Variants in DPP9 observed in about 807,000 individuals in gnomAD.
DPP9 encodes the protein dipeptidyl peptidase 9.
A neutral mutation model predicts 110.7 loss-of-function variants in DPP9; 50 were observed. The observed-to-expected ratio is 0.45, with a 90% CI of 0.36 to 0.57. DPP9 has a LOEUF of 0.57. Ranked by LOEUF, DPP9 falls within the 20% of genes least tolerant of loss-of-function variation. The pLI is 0.00. For missense variants in DPP9, 1,022 were observed against 1,217.9 expected (o/e 0.84, Z 2.39); for synonymous variants, 561 against 514.4 (o/e 1.09, Z -1.23).
intron 3 of DPP9, among the ~76,000 whole-genome samples, chr19:4,716,612 G>C (rs1022017404): frequency 6.6e-6 from 1 of 151,886 alleles, no homozygotes; most frequent in East Asian, 1.9e-4. Flanking sequence ...ACTCCAGCCT[G>C]GGCGACAGAG....
rs2145846207 is a variant in DPP9 at position 4,710,050 on chromosome 19, G to C, written c.313+4031C>G. Among the ~76,000 whole-genome samples the C allele has an allele frequency of 6.6e-6, 1 of 152,346 alleles. No homozygotes were observed. The highest frequency in any genetic ancestry group is 1.9e-4 in the East Asian group (1 of 5,182). ...CAACTGGCCTTTGAGGCAAGGGCTA[G>C]AGGTGACCGCCAAGGGCTGTGGATT... On this transcript the variant is annotated intron_variant, in intron 4 of 21. Coordinates refer to ENST00000262960, the MANE Select transcript of DPP9 (RefSeq NM_139159.5). The surrounding 1 kb of genome is among the most constrained non-coding windows in gnomAD (Gnocchi z 5.6).
In DPP9 at chr19:4,684,597, C is replaced by T; in HGVS notation, c.2178+66G>A. ...TCCAGAGCCGCTCCCATGCCCTGCACCCACACGGCCCAGGGCTCCCTTCCC... is the reference window on the plus strand; with the variant it reads ...TCCAGAGCCGCTCCCATGCCCTGCATCCACACGGCCCAGGGCTCCCTTCCC... On this transcript the variant is annotated intron_variant, in intron 18 of 21. Transcript: ENST00000262960. The surrounding 1 kb of genome is among the most constrained non-coding windows in gnomAD (Gnocchi z 4.8). 2 of 1,582,998 alleles carry T rather than the reference C, an allele frequency of 1.3e-6. No individual in the cohort carries two copies. Among genetic ancestry groups the T allele is most frequent in the East Asian group, 2.3e-5 (1 of 44,414 alleles).
At position 4,703,816 on chromosome 19, in the gene DPP9, G is replaced by C. The variant is rs561042949; in HGVS notation, c.769+70C>G. On this transcript the variant is annotated intron_variant, in intron 7 of 21. Transcript: ENST00000262960. ...GTGTGCAGGAAGACCCTGGCTGTGGGGGCAATGGGGCCTTTCTGGAAGCTG... is the reference window on the plus strand; with the variant it reads ...GTGTGCAGGAAGACCCTGGCTGTGGCGGCAATGGGGCCTTTCTGGAAGCTG... The C allele has an allele frequency of 4.7e-6, 7 of 1,499,764 alleles. No homozygotes were observed. The East Asian group carries it at 1.7e-4, about 37-fold the overall frequency. The allele number at this position is 1,499,764 out of a possible 1,614,324, so 92.9% of individuals were successfully genotyped here.
rs141308482 is a variant in DPP9 at position 4,689,455 on chromosome 19, G to A, written c.1749+115C>T. ...GCACTGCCTGCCCCAAGGCAGCTAT[G>A]AGAATGCGAGACCATGAGAATGACC... On this transcript the variant is annotated intron_variant, in intron 15 of 21. Transcript: ENST00000262960. The surrounding 1 kb of genome is among the most constrained non-coding windows in gnomAD (Gnocchi z 7.0). 1.9e-3 allele frequency: 2,614 copies of A among 1,349,042 alleles called. 8 individuals are homozygous for A. Among genetic ancestry groups the A allele is most frequent in the Non-Finnish European group, 2.4e-3 (2,409 of 1,006,368 alleles). 83.6% of individuals were successfully genotyped at this position (1,349,042 alleles called of 1,614,324 possible).
At position 4,700,309 on chromosome 19, in the gene DPP9, C is replaced by T; in HGVS notation, c.1013-32G>A. 1 of 1,577,684 alleles carries T rather than the reference C, an allele frequency of 6.3e-7. No homozygotes were observed. Among genetic ancestry groups the T allele is most frequent in the East Asian group, 2.3e-5 (1 of 43,756 alleles). ...AAACCGAAGTGAGGTGAACACCAGG[C>T]AGGCATCACCCGTGTGTGCCGAGAG... On this transcript the variant is annotated intron_variant, in intron 9 of 21. Coordinates refer to ENST00000262960, the MANE Select transcript of DPP9 (RefSeq NM_139159.5). This position sits in a 1 kb window ranked among gnomAD's most constrained non-coding sequence, Gnocchi z 4.3.
In DPP9 at chr19:4,700,073, G is replaced by T; in HGVS notation, c.1074+143C>A. 1.8e-6 allele frequency: 1 copy of T among 547,904 alleles called. No homozygotes were observed. Among genetic ancestry groups the T allele is most frequent in the Non-Finnish European group, 3.0e-6 (1 of 332,032 alleles). The allele number at this position is 547,904 out of a possible 1,614,324, so 33.9% of individuals were successfully genotyped here. ...CAGAGACACACAGGGAAGGCCTGTGGCTAGGCGGACCGGGCGGCAGGGCTG... is the reference window on the plus strand; with the variant it reads ...CAGAGACACACAGGGAAGGCCTGTGTCTAGGCGGACCGGGCGGCAGGGCTG... On this transcript the variant is annotated intron_variant, in intron 10 of 21. Transcript: ENST00000262960. The surrounding 1 kb of genome is among the most constrained non-coding windows in gnomAD (Gnocchi z 4.3).
At chr19:4,690,420 G>A (rs1342705864) in intron 14 of DPP9, among the ~76,000 whole-genome samples, 2 of 152,196 alleles carry the variant, frequency 1.3e-5, no homozygotes, top group African/African-American at 4.8e-5. Flanking sequence ...GGGTGACCAG[G>A]GACCCTAAGA....
In DPP9 at chr19:4,682,657, A is replaced by G; in HGVS notation, c.2474+39T>C. ...ACAGCTGGTGCCGGGGTGCAGGAGAAGCCCCGGGGAGGAGCGCAGGGCAGG... is the reference window on the plus strand; with the variant it reads ...ACAGCTGGTGCCGGGGTGCAGGAGAGGCCCCGGGGAGGAGCGCAGGGCAGG... On this transcript the variant is annotated intron_variant, in intron 20 of 21. Coordinates refer to ENST00000262960, the MANE Select transcript of DPP9 (RefSeq NM_139159.5). The surrounding 1 kb of genome is among the most constrained non-coding windows in gnomAD (Gnocchi z 7.1). The G allele has an allele frequency of 6.2e-7, 1 of 1,600,226 alleles. No individual in the cohort carries two copies. Among genetic ancestry groups the G allele is most frequent in the South Asian group, 1.1e-5 (1 of 88,716 alleles).
chr19:4,677,413 C>T (rs550128193), intron 21 of DPP9, among the ~76,000 whole-genome samples: 69 of 152,286 alleles, frequency 4.5e-4, no homozygotes, highest in Middle Eastern at 3.4e-3. Flanking sequence ...GCAGGTGGCC[C>T]ATCTACGCCA....
intron 8 of DPP9, 124 bp from the exon 9 acceptor site, chr19:4,702,279 C>T: frequency 3.1e-6 from 4 of 1,306,948 alleles, no homozygotes; most frequent in Non-Finnish European, 4.1e-6. Context: ...AACCAGAACC[C>T]CGGCTCTGCC....
chr19:4,680,483 A>G (rs572464495), intron 20 of DPP9, among the ~76,000 whole-genome samples: 4 of 152,052 alleles, frequency 2.6e-5, no homozygotes, highest in African/African-American at 7.2e-5. Flanking sequence ...TGGGAGGCCA[A>G]GCTGGGTGGA....
At position 4,719,334 on chromosome 19, in the gene DPP9, A is replaced by G. The variant is rs913287791; in HGVS notation, c.56+517T>C. 5.2e-5 allele frequency: 4 copies of G among 77,396 alleles called. No individual in the cohort carries two copies. In the East Asian group the frequency reaches 1.0e-3, roughly 20 times the overall value. The allele number at this position is 77,396 out of a possible 1,614,324, so 4.8% of individuals were successfully genotyped here. On this transcript the variant is annotated intron_variant, in intron 3 of 21. Transcript: ENST00000262960. ...CAGAGCAAGACTCCGTCTTAAATAAATAAATAAATAAATAAATAAATAAAT... is the reference window on the plus strand; with the variant it reads ...CAGAGCAAGACTCCGTCTTAAATAAGTAAATAAATAAATAAATAAATAAAT...
rs2092506336 is a variant in DPP9, at chr19:4,704,976, T to C, written c.427-672A>G. Among the ~76,000 whole-genome samples, 1 of 151,514 alleles carries C rather than the reference T, an allele frequency of 6.6e-6. No individual in the cohort carries two copies. The highest frequency in any genetic ancestry group is 2.4e-5 in the African/African-American group (1 of 41,224). On this transcript the variant is annotated intron_variant, in intron 5 of 21. Transcript: ENST00000262960. This position sits in a 1 kb window ranked among gnomAD's most constrained non-coding sequence, Gnocchi z 6.0. The stretch of plus-strand genomic sequence containing the variant: ...TTGCGCCACTGCACTATAGCCTGAG[T>C]GACAGAGTGAGACTTTGTCTCAAAA...
At chr19:4,697,911 C>A (rs1176711540) in intron 10 of DPP9, among the ~76,000 whole-genome samples, 1 of 152,146 alleles carries the variant, frequency 6.6e-6, no homozygotes, top group African/African-American at 2.4e-5. Flanking sequence ...GACATAGACA[C>A]ATAGAGGGAA....
rs150598539 is a variant in DPP9 at position 4,718,667 on chromosome 19, C to T, written c.56+1184G>A. Among the ~76,000 whole-genome samples the T allele has an allele frequency of 2.2e-4, 33 of 152,310 alleles. No homozygotes were observed. The highest frequency in any genetic ancestry group is 7.9e-4 in the African/African-American group (33 of 41,572). The stretch of plus-strand genomic sequence containing the variant: ...GCCCAGGTGGGACATTAAGTGTGTG[C>T]AGATAAGGGAAGGGACACAGATCCC... On this transcript the variant is annotated intron_variant, in intron 3 of 21. Transcript: ENST00000262960. This position sits in a 1 kb window ranked among gnomAD's most constrained non-coding sequence, Gnocchi z 4.3.
At position 4,694,132 on chromosome 19, in the gene DPP9, C is replaced by T. The variant is rs1214618441; in HGVS notation, c.1516+529G>A. ...ATACTGCCTCCTCCACTAGAAGGTC[C>T]CAAGAGCAGGGATTTTCCTTTTTCT... On this transcript the variant is annotated intron_variant, in intron 13 of 21. Transcript: ENST00000262960. This position sits in a 1 kb window ranked among gnomAD's most constrained non-coding sequence, Gnocchi z 4.0. Among the ~76,000 whole-genome samples the T allele has an allele frequency of 1.3e-5, 2 of 152,212 alleles. No homozygotes were observed. Among genetic ancestry groups the T allele is most frequent in the Non-Finnish European group, 2.9e-5 (2 of 68,044 alleles).
Position 4,685,103 on chromosome 19 carries a change from CCTT to C in DPP9, c.2032-297_2032-295del, listed in dbSNP as rs2090496892. The C allele has an allele frequency of 1.7e-6, 1 of 603,334 alleles. No homozygotes were observed. The highest frequency in any genetic ancestry group is 1.8e-5 in the African/African-American group (1 of 55,000). The allele number at this position is 603,334 out of a possible 1,614,324, so 37.4% of individuals were successfully genotyped here. Reference sequence around the variant, plus strand: ...TGGCATGATGGACATTGGGGTGGCTCCTTCTCGGGTGGGGCCATCTGGGCACTG... The same window carrying C: ...TGGCATGATGGACATTGGGGTGGCTCCTCGGGTGGGGCCATCTGGGCACTG... On this transcript the variant is annotated intron_variant, in intron 17 of 21. Transcript: ENST00000262960. The surrounding 1 kb of genome is among the most constrained non-coding windows in gnomAD (Gnocchi z 5.8).
intron 4 of DPP9, among the ~76,000 whole-genome samples, chr19:4,711,500 C>T (rs891315552): frequency 3.3e-5 from 5 of 152,076 alleles, no homozygotes; most frequent in South Asian, 4.1e-4. Context: ...AGGCCAGGCA[C>T]GGTGGCTTAC....
chr19:4,681,118 G>A (rs2089814240), intron 20 of DPP9, among the ~76,000 whole-genome samples: 1 of 152,158 alleles, frequency 6.6e-6, no homozygotes, highest in Admixed American at 6.5e-5. Context: ...TGAAATTCCA[G>A]TTTACATTCA....
Sources: gnomAD v4.1 joint callset for allele counts (sites outside exome capture counted in the v4.1 genomes callset) on GRCh38, gnomAD v4.1.1 for gene constraint, Gnocchi (gnomAD v3.1) non-coding constraint, MANE v1.5 for transcripts, NCBI Gene and HGNC (gene_info 2026-07-23, HGNC 2026-07-21) for gene names.